The following CDCA2 variants were observed in gnomAD, a reference collection of about 807,000 sequenced individuals.
CDCA2 encodes cell division cycle-associated protein 2.
In CDCA2, 44 loss-of-function variants were observed where a neutral mutation model predicts 67.0. The observed-to-expected ratio is 0.66, with a 90% CI of 0.52 to 0.84. The LOEUF (loss-of-function observed/expected upper bound fraction) is 0.84, where lower values mean the gene tolerates loss of function less well. Among genes scored for constraint, CDCA2 ranks in the 40% least tolerant of loss-of-function variants. The probability of loss-of-function intolerance (pLI) is 0.00; values close to 1 mark genes in which losing one functional copy is unlikely to be tolerated. For missense variants in CDCA2, 1,253 were observed against 1,203.2 expected (o/e 1.04, Z -0.61); for synonymous variants, 447 against 418.7 (o/e 1.07, Z -0.82).
At chr8:25,497,098 CT>C (rs1804253379) in intron 13 of CDCA2, among the ~76,000 whole-genome samples, 1 of 152,066 alleles carries the variant, frequency 6.6e-6, no homozygotes, top group African/African-American at 2.4e-5. Context: ...GTCCCAAGTG[CT>C]TTTTTTCCCC....
chr8:25,493,481 G>C (rs1381072395), intron 13 of CDCA2, among the ~76,000 whole-genome samples: 2 of 152,126 alleles, frequency 1.3e-5, no homozygotes, highest in Admixed American at 1.3e-4. Flanking sequence ...ATCCCCATAA[G>C]AAAATTTAAA....
intron 3 of CDCA2, 100 bp downstream of exon 3, chr8:25,460,654 T>C: frequency 7.9e-7 from 1 of 1,264,528 alleles, no homozygotes; most frequent in Non-Finnish European, 1.1e-6. Context: ...ATATTTTAGG[T>C]ACCTAAATTG....
chr8:25,507,319 A>G lies in CDCA2; in HGVS notation c.2653A>G (p.Asn885Asp). Residue 885 changes from asparagine to aspartate, a missense_variant, in exon 15 of 15, where the codon AAT (asparagine) becomes GAT (aspartate). By Grantham distance (23) the Asn-to-Asp change is conservative (BLOSUM62 1). Coordinates refer to ENST00000330560, the MANE Select transcript of CDCA2 (RefSeq NM_152562.4). ...CATTGAGCAAACCTTTCAGAGGAGA[A>G]ATAGTGAAACCAAAGTGCGACGTAG... is the stretch of plus-strand genomic sequence containing the variant. ...DAIEQTFQRR[N>D]SETKVRRSTR... The G allele has an allele frequency of 6.2e-7, 1 of 1,614,082 alleles. No individual in the cohort carries two copies. Among genetic ancestry groups the G allele is most frequent in the Non-Finnish European group, 8.5e-7 (1 of 1,180,024 alleles).
In CDCA2 at chr8:25,462,219, C is replaced by A; in HGVS notation, c.387+11C>A. ...GATTCTCCTTCCCAGGTATGATTTT[C>A]TTCTAAGTTCTGTCGTGAATTCCGT... On this transcript the variant is annotated intron_variant, in intron 4 of 14. Transcript: ENST00000330560. 1 of 1,612,998 alleles carries A rather than the reference C, an allele frequency of 6.2e-7. No individual in the cohort carries two copies. Among genetic ancestry groups the A allele is most frequent in the Non-Finnish European group, 8.5e-7 (1 of 1,179,048 alleles).
At position 25,501,655 on chromosome 8, in the gene CDCA2, T is replaced by C. The variant is rs1188761478; in HGVS notation, c.1672-1718T>C. Among the ~76,000 whole-genome samples, 7 of 152,328 alleles carry C rather than the reference T, an allele frequency of 4.6e-5. No homozygotes were observed. The East Asian group carries it at 9.6e-4, about 21-fold the overall frequency. On this transcript the variant is annotated intron_variant, in intron 13 of 14. Coordinates refer to ENST00000330560, the MANE Select transcript of CDCA2 (RefSeq NM_152562.4). ...GCTTGTTTGAGATTTGACTTAGACA[T>C]TACATTTTCCGTGGAGCCGATCTTG...
chr8:25,507,174 T>C lies in CDCA2; in HGVS notation c.2508T>C (p.Tyr836=), dbSNP rs758223890. The part of the protein sequence containing the change: ...DRKDRRRSMC[Y]SDGRSLHLEK... ...AAGATAGAAGACGTTCCATGTGTTA[T>C]TCTGATGGTCGAAGTTTACATTTGG... Residue 836 remains tyrosine, a synonymous_variant, in exon 15 of 15, where the codon TAT becomes TAC. Coordinates refer to ENST00000330560, the MANE Select transcript of CDCA2 (RefSeq NM_152562.4). The C allele has an allele frequency of 6.8e-6, 11 of 1,614,208 alleles. No homozygotes were observed. The Admixed American group carries it at 1.2e-4, about 17-fold the overall frequency.
At position 25,462,299 on chromosome 8, in the gene CDCA2, A is replaced by C. The variant is rs547002125; in HGVS notation, c.387+91A>C. The C allele has an allele frequency of 2.7e-5, 37 of 1,355,378 alleles. No homozygotes were observed. In the African/African-American group the frequency reaches 5.1e-4, roughly 19 times the overall value. The allele number at this position is 1,355,378 out of a possible 1,614,324, so 84.0% of individuals were successfully genotyped here. ...TTCTAGTGCATCTGCTCTGTTTCAA[A>C]TCTGGAGGGAGATTTTCTCTGTGTT... On this transcript the variant is annotated intron_variant, in intron 4 of 14. Coordinates refer to ENST00000330560, the MANE Select transcript of CDCA2 (RefSeq NM_152562.4).
chr8:25,480,169 A>G (rs780914121), intron 8 of CDCA2, 45 bp downstream of exon 8: 2 of 1,490,436 alleles, frequency 1.3e-6, no homozygotes, highest in East Asian at 2.3e-5. Flanking sequence ...ATAAAAATGC[A>G]TTTTGCTTCA....
intron 4 of CDCA2, among the ~76,000 whole-genome samples, chr8:25,463,047 T>G (rs952520370): frequency 1.0e-5 from 1 of 96,322 alleles, no homozygotes; most frequent in Non-Finnish European, 2.6e-5. Flanking sequence ...TATTTCTCAA[T>G]TTTTTTTTCT....
intron 4 of CDCA2, among the ~76,000 whole-genome samples, chr8:25,464,497 C>T (rs977527636): frequency 7.9e-5 from 12 of 152,132 alleles, no homozygotes; most frequent in African/African-American, 2.9e-4. Context: ...GTTGACTGAC[C>T]GACACAATTC....
intron 11 of CDCA2, among the ~76,000 whole-genome samples, chr8:25,486,301 C>G (rs1803772619): frequency 6.6e-6 from 1 of 152,082 alleles, no homozygotes; most frequent in Non-Finnish European, 1.5e-5. Flanking sequence ...TCTGACAAAC[C>G]AGGACTTAGC....
At chr8:25,501,838 A>G (rs575812385) in intron 13 of CDCA2, among the ~76,000 whole-genome samples, 1 of 152,314 alleles carries the variant, frequency 6.6e-6, no homozygotes, top group African/African-American at 2.4e-5. Flanking sequence ...CCTGGCACAC[A>G]GCAGTCTCAA....
At chr8:25,489,387 G>A (rs1803913023) in intron 13 of CDCA2, among the ~76,000 whole-genome samples, 1 of 152,146 alleles carries the variant, frequency 6.6e-6, no homozygotes, top group African/African-American at 2.4e-5. Context: ...AGATACACCT[G>A]AAGTTCATGT....
chr8:25,493,679 A>G (rs1275540301), intron 13 of CDCA2, among the ~76,000 whole-genome samples: 1 of 152,232 alleles, frequency 6.6e-6, no homozygotes, highest in African/African-American at 2.4e-5. Flanking sequence ...CTTCCTCATC[A>G]TAAGAGAATT....
At chr8:25,475,968 C>T (rs1803332322) in intron 7 of CDCA2, among the ~76,000 whole-genome samples, 1 of 152,198 alleles carries the variant, frequency 6.6e-6, no homozygotes, top group African/African-American at 2.4e-5. Flanking sequence ...CTGCTTCCCA[C>T]TCACTCTTCC....
intron 8 of CDCA2, 48 bp from the exon 9 acceptor site, chr8:25,483,351 T>C (rs1332133426): frequency 8.0e-7 from 1 of 1,246,176 alleles, no homozygotes; most frequent in African/African-American, 1.5e-5. Flanking sequence ...TGATGACGTC[T>C]ATGTATTTCT....
chr8:25,459,181 C>G (rs945050686), upstream of CDCA2: 1 of 152,106 alleles, frequency 6.6e-6, no homozygotes, highest in East Asian at 2.0e-4. Context: ...AAATTCGGTA[C>G]CGAGGGGCGG....
At position 25,494,553 on chromosome 8, in the gene CDCA2, T is replaced by G. The variant is rs144432727; in HGVS notation, c.1671+5864T>G. Among the ~76,000 whole-genome samples the G allele has an allele frequency of 1.4e-4, 21 of 152,238 alleles. No homozygotes were observed. In the East Asian group the frequency reaches 3.3e-3, roughly 24 times the overall value. ...TGTCGGGGACTTGAGTATCTGCAGATTTTTGGTATCCACAGGAGGTCCTGG... is the reference window on the plus strand; with the variant it reads ...TGTCGGGGACTTGAGTATCTGCAGAGTTTTGGTATCCACAGGAGGTCCTGG... On this transcript the variant is annotated intron_variant, in intron 13 of 14. Transcript: ENST00000330560.
chr8:25,466,329 A>G lies in CDCA2; in HGVS notation c.538+4A>G. 1.3e-6 allele frequency: 2 copies of G among 1,580,378 alleles called. No homozygotes were observed. Among genetic ancestry groups the G allele is most frequent in the Non-Finnish European group, 1.7e-6 (2 of 1,169,326 alleles). On this transcript the variant is annotated splice_donor_region_variant and intron_variant, in intron 5 of 14. Coordinates refer to ENST00000330560, the MANE Select transcript of CDCA2 (RefSeq NM_152562.4). ...GAGTCCGAGATGACAGACTTGAGTGAGTAGAAATAATTCGTTCAGTTTTGA... is the reference window on the plus strand; with the variant it reads ...GAGTCCGAGATGACAGACTTGAGTGGGTAGAAATAATTCGTTCAGTTTTGA...
Sources: allele counts gnomAD v4.1 joint callset (sites outside exome capture counted in the v4.1 genomes callset), GRCh38; gene constraint gnomAD v4.1.1; transcripts MANE v1.5; gene names NCBI Gene and HGNC (gene_info 2026-07-23, HGNC 2026-07-21).